Variants in STOX2 observed in about 807,000 individuals in gnomAD.
The protein encoded by STOX2 is storkhead box 2, also known as storkhead-box protein 2.
Under a neutral mutation model 60.9 loss-of-function variants are expected in STOX2, and 28 were observed. The ratio of observed to expected loss-of-function variants is 0.46; its 90% CI spans 0.34 to 0.63. STOX2 has a LOEUF of 0.63. STOX2 is among the 30% of genes least tolerant of loss of function. The pLI is 0.01. For missense variants in STOX2, 1,024 were observed against 1,187.7 expected (o/e 0.86, Z 2.03); for synonymous variants, 472 against 463.9 (o/e 1.02, Z -0.22).
intron 1 of STOX2, among the ~76,000 whole-genome samples, chr4:183,831,872 C>G (rs1739576019): frequency 6.6e-6 from 1 of 152,138 alleles, no homozygotes; most frequent in Non-Finnish European, 1.5e-5. Context: ...TTCCTCTTTT[C>G]TCTCCTGGGA....
At chr4:183,842,654 T>C (rs1386740833) in intron 1 of STOX2, among the ~76,000 whole-genome samples, 2 of 152,210 alleles carry the variant, frequency 1.3e-5, no homozygotes, top group East Asian at 1.9e-4. Context: ...ATACACCATG[T>C]TGGCTGCCTA....
chr4:183,901,859 T>A (rs1308284680), upstream of STOX2, among the ~76,000 whole-genome samples: 5 of 152,218 alleles, frequency 3.3e-5, no homozygotes, highest in Non-Finnish European at 7.3e-5. Flanking sequence ...ATATGCTTTA[T>A]AAATATTTTC....
At chr4:183,844,128 T>C (rs1739932162) in intron 1 of STOX2, among the ~76,000 whole-genome samples, 1 of 152,212 alleles carries the variant, frequency 6.6e-6, no homozygotes, top group African/African-American at 2.4e-5. Flanking sequence ...TTTGTTGGTA[T>C]TCTGGAATAT....
At chr4:183,994,051 C>G (rs1241836949) in intron 1 of STOX2, among the ~76,000 whole-genome samples, 1 of 152,134 alleles carries the variant, frequency 6.6e-6, no homozygotes, top group Non-Finnish European at 1.5e-5. Flanking sequence ...TTGTAAAACA[C>G]AAGATTTGTC....
intron 2 of STOX2, among the ~76,000 whole-genome samples, chr4:184,004,865 A>G (rs998941416): frequency 3.3e-5 from 5 of 152,224 alleles, no homozygotes; most frequent in Non-Finnish European, 7.3e-5. Context: ...AAGCTGTTAC[A>G]ACTGAATCTT....
intron 1 of STOX2, among the ~76,000 whole-genome samples, chr4:183,891,940 T>G (rs1355017788): frequency 3.3e-5 from 5 of 152,210 alleles, no homozygotes; most frequent in Non-Finnish European, 7.3e-5. Context: ...AGATGGTTGC[T>G]TTTGTTTTCC....
chr4:183,835,286 G>A (rs1029784924), intron 1 of STOX2, among the ~76,000 whole-genome samples: 8 of 150,392 alleles, frequency 5.3e-5, no homozygotes, highest in East Asian at 2.0e-4. Flanking sequence ...GTGCAGTGGC[G>A]CAATCTCAGT....
intron 1 of STOX2, among the ~76,000 whole-genome samples, chr4:183,936,458 C>T (rs1271695459): frequency 2.0e-5 from 3 of 150,716 alleles, no homozygotes; most frequent in Non-Finnish European, 4.4e-5. Context: ...TTATTGGCGT[C>T]AGTATCTTTT....
At chr4:183,840,489 G>T (rs1275647401) in intron 1 of STOX2, among the ~76,000 whole-genome samples, 2 of 152,186 alleles carry the variant, frequency 1.3e-5, no homozygotes, top group Non-Finnish European at 2.9e-5. Context: ...AACTGGTGAT[G>T]CTTTCCTGAC....
At chr4:183,858,463 G>A (rs1394684153) in intron 1 of STOX2, among the ~76,000 whole-genome samples, 4 of 152,168 alleles carry the variant, frequency 2.6e-5, no homozygotes, top group South Asian at 2.1e-4. Flanking sequence ...GCCCACGGCC[G>A]GAGCCTCCCT....
intron 2 of STOX2, among the ~76,000 whole-genome samples, chr4:184,005,577 T>A (rs1015687040): frequency 6.6e-6 from 1 of 152,128 alleles, no homozygotes; most frequent in African/African-American, 2.4e-5. Flanking sequence ...TTCAGGCCTG[T>A]TAGGATGTAA....
rs185712884 is a variant in STOX2, at chr4:183,919,519, G to A, written c.166+12563G>A. The stretch of plus-strand genomic sequence containing the variant: ...AGAGCATGCTTCCTACGTGATAGTG[G>A]AGTGCTGGTGTGCTCCTGAAATGTC... On this transcript the variant is annotated intron_variant, in intron 1 of 3. Transcript: ENST00000308497. 2.0e-5 allele frequency among the ~76,000 whole-genome samples: 3 copies of A among 152,310 alleles called. No homozygotes were observed. In the East Asian group the frequency reaches 5.8e-4, roughly 29 times the overall value.
chr4:183,991,154 A>C (rs1733088796), intron 1 of STOX2, among the ~76,000 whole-genome samples: 1 of 152,030 alleles, frequency 6.6e-6, no homozygotes, highest in African/African-American at 2.4e-5. Flanking sequence ...CCCATCTCCT[A>C]GTGCCTTTTT....
chr4:183,803,905 GT>G (rs1738824859), intron 1 of STOX2, among the ~76,000 whole-genome samples: 1 of 152,124 alleles, frequency 6.6e-6, no homozygotes, highest in Non-Finnish European at 1.5e-5. Context: ...AGAAGTTGTA[GT>G]GAGCCGAGCT....
At chr4:183,820,495 T>A (rs142828699) in intron 1 of STOX2, among the ~76,000 whole-genome samples, 1 of 152,360 alleles carries the variant, frequency 6.6e-6, no homozygotes, top group Non-Finnish European at 1.5e-5. Flanking sequence ...CTGCAGGGTC[T>A]CAGACAAGTG....
At chr4:183,895,187 G>C (rs549031092) in intron 1 of STOX2, among the ~76,000 whole-genome samples, 1 of 152,224 alleles carries the variant, frequency 6.6e-6, no homozygotes, top group African/African-American at 2.4e-5. Flanking sequence ...CCTTTCTTAT[G>C]ATAGCAACCC....
intron 1 of STOX2, among the ~76,000 whole-genome samples, chr4:183,873,672 G>A (rs569280144): frequency 6.6e-6 from 1 of 152,290 alleles, no homozygotes; most frequent in South Asian, 2.1e-4. Flanking sequence ...TTGAAACCGG[G>A]AAGTGAGACA....
chr4:183,818,977 T>C (rs554578561), intron 1 of STOX2, among the ~76,000 whole-genome samples: 1 of 149,068 alleles, frequency 6.7e-6, no homozygotes, highest in Non-Finnish European at 1.5e-5. Flanking sequence ...TCCTCACATC[T>C]CAGACGATGG....
At chr4:183,804,436 C>A (rs1175323041) in intron 1 of STOX2, among the ~76,000 whole-genome samples, 1 of 152,164 alleles carries the variant, frequency 6.6e-6, no homozygotes, top group African/African-American at 2.4e-5. Flanking sequence ...GCCCATGGGG[C>A]TGGGCTTGTT....
Sources: allele counts gnomAD v4.1 joint callset (sites outside exome capture counted in the v4.1 genomes callset), GRCh38; gene constraint gnomAD v4.1.1; transcripts MANE v1.5; gene names NCBI Gene and HGNC (gene_info 2026-07-23, HGNC 2026-07-21).